The following SCFD2 variants were observed in gnomAD, a reference collection of about 807,000 sequenced individuals.
SCFD2 encodes sec1 family domain containing 2.
A neutral mutation model predicts 58.9 loss-of-function variants in SCFD2; 54 were observed. That is an observed-to-expected ratio of 0.92 (90% CI 0.74 to 1.15). SCFD2 has a LOEUF of 1.15. SCFD2 is among the 50% of genes most tolerant of loss of function. The pLI is 0.00. For missense variants in SCFD2, 805 were observed against 836.6 expected (o/e 0.96, Z 0.47); for synonymous variants, 321 against 335.9 (o/e 0.96, Z 0.49).
At chr4:53,207,491 T>TATATATATACACACACAGAA (rs1423322157) in intron 4 of SCFD2, among the ~76,000 whole-genome samples, 1 of 21,790 alleles carries the variant, frequency 4.6e-5, no homozygotes, top group Non-Finnish European at 7.5e-5. Context: ...TATATATATA[T>TATATATATACACACACAGAA]TTCATATATA....
intron 3 of SCFD2, among the ~76,000 whole-genome samples, chr4:53,307,008 C>T (rs1366256523): frequency 5.9e-5 from 9 of 152,224 alleles, no homozygotes; most frequent in Non-Finnish European, 7.3e-5. Flanking sequence ...AAACAATATC[C>T]TAACTATACT....
chr4:53,257,244 G>A (rs967231602), intron 4 of SCFD2, among the ~76,000 whole-genome samples: 6 of 152,098 alleles, frequency 3.9e-5, no homozygotes, highest in African/African-American at 9.7e-5. Context: ...TTTTCTTCTC[G>A]GTCACAGGCA....
chr4:53,351,833 A>G (rs1734229376), intron 2 of SCFD2, among the ~76,000 whole-genome samples: 1 of 152,238 alleles, frequency 6.6e-6, no homozygotes, highest in South Asian at 2.1e-4. Flanking sequence ...ATATTAATAA[A>G]TATGGGAGGA....
chr4:53,256,009 G>A (rs1577904542), intron 4 of SCFD2, among the ~76,000 whole-genome samples: 2 of 150,564 alleles, frequency 1.3e-5, no homozygotes, highest in South Asian at 4.2e-4. Flanking sequence ...CGGCTGGCCG[G>A]GCGGGGGTCT....
intron 5 of SCFD2, among the ~76,000 whole-genome samples, chr4:52,974,185 G>T (rs1721187845): frequency 6.6e-6 from 1 of 152,170 alleles, no homozygotes; most frequent in African/African-American, 2.4e-5. Flanking sequence ...TCAGGAAGGA[G>T]AAGGAAATAA....
intron 4 of SCFD2, among the ~76,000 whole-genome samples, chr4:53,236,808 TTTTATTTA>T (rs141143179): frequency 0.12 from 17,208 of 138,166 alleles, 1,122 homozygotes; most frequent in African/African-American, 0.18. Context: ...AAAGTCACTG[TTTTATTTA>T]TTTATTTATT....
chr4:52,946,463 T>A (rs900210380), intron 5 of SCFD2, among the ~76,000 whole-genome samples: 3 of 151,898 alleles, frequency 2.0e-5, no homozygotes, highest in African/African-American at 7.2e-5. Flanking sequence ...AAAAAAAAAA[T>A]TTGATGAAAA....
chr4:53,343,410 T>G (rs925251796), intron 2 of SCFD2, among the ~76,000 whole-genome samples: 7 of 152,162 alleles, frequency 4.6e-5, no homozygotes, highest in Non-Finnish European at 8.8e-5. Context: ...CAGGAAGAAG[T>G]TGAATCCCTG....
intron 5 of SCFD2, among the ~76,000 whole-genome samples, chr4:52,986,717 T>C (rs1721504549): frequency 6.6e-6 from 1 of 151,940 alleles, no homozygotes. Flanking sequence ...GACAGGATGG[T>C]CTCGATCTCC....
At chr4:53,279,815 T>C (rs1283564270) in intron 3 of SCFD2, among the ~76,000 whole-genome samples, 1 of 152,004 alleles carries the variant, frequency 6.6e-6, no homozygotes, top group South Asian at 2.1e-4. Context: ...CTTCACAAGG[T>C]GGGAGGAGAG....
intron 4 of SCFD2, among the ~76,000 whole-genome samples, chr4:53,177,621 T>A (rs1727381818): frequency 6.6e-6 from 1 of 152,130 alleles, no homozygotes; most frequent in South Asian, 2.1e-4. Flanking sequence ...CATTTCCAAC[T>A]GAGGTACCGG....
intron 5 of SCFD2, among the ~76,000 whole-genome samples, chr4:52,926,048 T>C (rs558288782): frequency 2.6e-5 from 4 of 152,142 alleles, no homozygotes; most frequent in Non-Finnish European, 5.9e-5. Context: ...TCCATGGCTC[T>C]GTACACCGCA....
chr4:53,204,939 G>A (rs1728362522), intron 4 of SCFD2, among the ~76,000 whole-genome samples: 2 of 151,768 alleles, frequency 1.3e-5, no homozygotes, highest in Admixed American at 1.3e-4. Flanking sequence ...TTTCTAAATT[G>A]GAATGGTATA....
intron 4 of SCFD2, among the ~76,000 whole-genome samples, chr4:53,204,027 C>G (rs995103486): frequency 2.6e-5 from 4 of 152,214 alleles, no homozygotes; most frequent in African/African-American, 9.6e-5. Context: ...CAGATCTTTT[C>G]TATTCCATGT....
chr4:53,314,017 G>A (rs1204687894), intron 2 of SCFD2, among the ~76,000 whole-genome samples: 1 of 152,068 alleles, frequency 6.6e-6, no homozygotes. Flanking sequence ...AGAAGTGTGG[G>A]AAAACTATGT....
Position 53,282,410 on chromosome 4 carries a change from G to A in SCFD2, c.1136-8409C>T, listed in dbSNP as rs1207018039. ...TTTCTTAATTTATCTTTCAACTATT[G>A]TCTGAAGTTTTTGGCTATTTTATTT... is the stretch of plus-strand genomic sequence containing the variant. On this transcript the variant is annotated intron_variant, in intron 3 of 8. Coordinates refer to ENST00000401642, the MANE Select transcript of SCFD2 (RefSeq NM_152540.4). Among the ~76,000 whole-genome samples, 5 of 151,596 alleles carry A rather than the reference G, an allele frequency of 3.3e-5. No individual in the cohort carries two copies. In the East Asian group the frequency reaches 5.8e-4, roughly 18 times the overall value.
chr4:53,303,201 A>C (rs1011154231), intron 3 of SCFD2, among the ~76,000 whole-genome samples: 8 of 152,212 alleles, frequency 5.3e-5, no homozygotes, highest in African/African-American at 1.9e-4. Context: ...CAACCTACTC[A>C]TCTGACAAAT....
chr4:53,243,793 G>C (rs1310105923), intron 4 of SCFD2, among the ~76,000 whole-genome samples: 4 of 152,132 alleles, frequency 2.6e-5, no homozygotes, highest in Non-Finnish European at 5.9e-5. Flanking sequence ...TAAAGGGATG[G>C]AGAAAAATCT....
intron 7 of SCFD2, among the ~76,000 whole-genome samples, chr4:52,902,661 G>A (rs1018092877): frequency 1.3e-5 from 2 of 152,130 alleles, no homozygotes; most frequent in Non-Finnish European, 2.9e-5. Context: ...CTTACTACGC[G>A]CCAGACACTG....
Sources: allele counts gnomAD v4.1 joint callset (sites outside exome capture counted in the v4.1 genomes callset), GRCh38; gene constraint gnomAD v4.1.1; transcripts MANE v1.5; gene names NCBI Gene and HGNC (gene_info 2026-07-23, HGNC 2026-07-21).